MYO3B: variants seen among roughly 807,000 people sequenced by gnomAD.
MYO3B encodes the protein myosin-IIIb.
A neutral mutation model predicts 174.6 loss-of-function variants in MYO3B; 156 were observed. The observed-to-expected ratio is 0.89, with a 90% CI of 0.78 to 1.02. The LOEUF (loss-of-function observed/expected upper bound fraction) is 1.02. Ranked by LOEUF, MYO3B falls within the 50% of genes least tolerant of loss-of-function variation. The pLI, the probability that MYO3B is intolerant of heterozygous loss-of-function variation, is 0.00. For missense variants in MYO3B, 1,632 were observed against 1,639.4 expected (o/e 1.00, Z 0.08); for synonymous variants, 563 against 569.1 (o/e 0.99, Z 0.15).
intron 23 of MYO3B, among the ~76,000 whole-genome samples, chr2:170,450,655 A>G (rs1001568227): frequency 6.6e-6 from 1 of 152,152 alleles, no homozygotes; most frequent in Non-Finnish European, 1.5e-5. Context: ...AAAAGAGAAA[A>G]CTAAGTTTCA....
chr2:170,483,375 C>CTTTTTTTTT (rs61527598), intron 25 of MYO3B, among the ~76,000 whole-genome samples: 828 of 62,132 alleles, frequency 0.013, 110 homozygotes, highest in Non-Finnish European at 0.018. Flanking sequence ...CTTGGGGATT[C>CTTTTTTTTT]TTTTTTTTTT....
intron 8 of MYO3B, among the ~76,000 whole-genome samples, chr2:170,367,543 G>T (rs1370267611): frequency 6.6e-6 from 1 of 152,122 alleles, no homozygotes; most frequent in Admixed American, 6.5e-5. Flanking sequence ...TTTATCTTAG[G>T]AGTTTTTATA....
chr2:170,372,234 C>G (rs1261564777), intron 9 of MYO3B, among the ~76,000 whole-genome samples: 3 of 151,170 alleles, frequency 2.0e-5, no homozygotes, highest in Non-Finnish European at 4.4e-5. Context: ...TCTTTCTCTT[C>G]CAAAGTTTCT....
intron 22 of MYO3B, among the ~76,000 whole-genome samples, chr2:170,438,561 T>G (rs1311590151): frequency 2.0e-5 from 3 of 152,122 alleles, no homozygotes; most frequent in East Asian, 3.8e-4. Context: ...GTGCAGAGAG[T>G]TCTAATTTCT....
chr2:170,257,634 T>C (rs2093315546), intron 7 of MYO3B, among the ~76,000 whole-genome samples: 1 of 152,026 alleles, frequency 6.6e-6, no homozygotes, highest in African/African-American at 2.4e-5. Flanking sequence ...GTCAAGAAGT[T>C]AGAAAAATCT....
intron 32 of MYO3B, among the ~76,000 whole-genome samples, chr2:170,566,827 C>A (rs569443270): frequency 9.9e-5 from 15 of 152,250 alleles, no homozygotes; most frequent in Non-Finnish European, 1.8e-4. Context: ...CTTACTGGTA[C>A]CTCCTGGAAA....
chr2:170,430,461 T>A (rs1250286004), intron 22 of MYO3B, among the ~76,000 whole-genome samples: 1 of 149,848 alleles, frequency 6.7e-6, no homozygotes, highest in African/African-American at 2.5e-5. Flanking sequence ...AATCTCCGCC[T>A]CCTGGGTTCG....
intron 7 of MYO3B, among the ~76,000 whole-genome samples, chr2:170,251,127 G>T (rs1173929385): frequency 6.6e-6 from 1 of 152,042 alleles, no homozygotes; most frequent in African/African-American, 2.4e-5. Context: ...TCTCCTGTCC[G>T]TGTCAACTGT....
At chr2:170,319,124 C>G (rs2093796890) in intron 7 of MYO3B, among the ~76,000 whole-genome samples, 1 of 152,190 alleles carries the variant, frequency 6.6e-6, no homozygotes, top group Non-Finnish European at 1.5e-5. Flanking sequence ...TATTTTATGA[C>G]AGGCTTTACT....
intron 3 of MYO3B, among the ~76,000 whole-genome samples, chr2:170,211,759 A>G (rs2092772824): frequency 6.6e-6 from 1 of 152,194 alleles, no homozygotes; most frequent in Non-Finnish European, 1.5e-5. Context: ...TCACAATCCC[A>G]AGCACACAAA....
intron 22 of MYO3B, among the ~76,000 whole-genome samples, chr2:170,440,924 C>T (rs1043824232): frequency 6.6e-6 from 1 of 150,550 alleles, no homozygotes; most frequent in African/African-American, 2.4e-5. Context: ...GCCTCAGCCT[C>T]CAGAGTAGCT....
Position 170,401,546 on chromosome 2 carries a change from A to G in MYO3B, c.1984A>G (p.Thr662Ala), listed in dbSNP as rs2094475902. 1 of 1,613,924 alleles carries G rather than the reference A, an allele frequency of 6.2e-7. No homozygotes were observed. Among genetic ancestry groups the G allele is most frequent in the South Asian group, 1.1e-5 (1 of 91,092 alleles). Residue 662 changes from threonine to alanine, a missense_variant, in exon 18 of 35, where the codon ACC becomes GCC. Thr to Ala is a moderately conservative substitution (Grantham distance 58, BLOSUM62 0). Coordinates refer to ENST00000408978, the MANE Select transcript of MYO3B (RefSeq NM_138995.5). ...GGCCCTCACCTCCCACTGTGTGGTC[A>G]CCCGGGGCGAGACCATCATCCGTGC... ...QEALTSHCVVTRGETIIRANT... is the reference protein window; with the variant it reads ...QEALTSHCVVARGETIIRANT...
intron 32 of MYO3B, among the ~76,000 whole-genome samples, chr2:170,647,743 A>G (rs936660660): frequency 3.9e-5 from 6 of 152,212 alleles, no homozygotes; most frequent in South Asian, 2.1e-4. Context: ...TTAATTCCTT[A>G]TAAGAATCAG....
At chr2:170,541,261 A>G (rs574390529) in intron 30 of MYO3B, among the ~76,000 whole-genome samples, 2 of 152,314 alleles carry the variant, frequency 1.3e-5, no homozygotes, top group South Asian at 4.1e-4. Context: ...ACTTTCTCCT[A>G]GAGGATCTTA....
In MYO3B at chr2:170,206,995, G is replaced by T. The variant is rs568439456; in HGVS notation, c.321+6711G>T. 1.3e-5 allele frequency among the ~76,000 whole-genome samples: 2 copies of T among 152,254 alleles called. No individual in the cohort carries two copies. Among genetic ancestry groups the T allele is most frequent in the South Asian group, 2.1e-4 (1 of 4,826 alleles). On this transcript the variant is annotated intron_variant, in intron 3 of 34. Coordinates refer to ENST00000408978, the MANE Select transcript of MYO3B (RefSeq NM_138995.5). The surrounding 1 kb of genome is among the most constrained non-coding windows in gnomAD (Gnocchi z 4.3). ...TGAAGTTCTGAGTGTCTTACAAGTT[G>T]TGAGCAGATTGTAGAAAACTGTTAT...
chr2:170,179,638 G>A (rs548932729), intron 1 of MYO3B, among the ~76,000 whole-genome samples: 1 of 152,262 alleles, frequency 6.6e-6, no homozygotes, highest in East Asian at 1.9e-4. Context: ...ATGTTATGAT[G>A]CAGCAAGAAG....
chr2:170,473,139 C>CTTTTTTTTTTTTTTT (rs66837903), intron 25 of MYO3B, among the ~76,000 whole-genome samples: 2 of 96,442 alleles, frequency 2.1e-5, no homozygotes, highest in Admixed American at 1.2e-4. Context: ...TTTTTCTTTT[C>CTTTTTTTTTTTTTTT]TTTTTTTTTT....
intron 1 of MYO3B, among the ~76,000 whole-genome samples, chr2:170,183,977 A>C (rs945165831): frequency 6.6e-6 from 1 of 152,020 alleles, no homozygotes; most frequent in African/African-American, 2.4e-5. Flanking sequence ...AATCATAGTA[A>C]TATATTCCCT....
intron 7 of MYO3B, among the ~76,000 whole-genome samples, chr2:170,285,085 A>G (rs1456493537): frequency 6.6e-6 from 1 of 152,192 alleles, no homozygotes; most frequent in Non-Finnish European, 1.5e-5. Context: ...TTATTGGACT[A>G]TATCATACTT....
Sources: allele counts gnomAD v4.1 joint callset (sites outside exome capture counted in the v4.1 genomes callset), GRCh38; gene constraint gnomAD v4.1.1; non-coding constraint Gnocchi (gnomAD v3.1); transcripts MANE v1.5; gene names NCBI Gene and HGNC (gene_info 2026-07-23, HGNC 2026-07-21).